DTNB: variants seen among roughly 807,000 people sequenced by gnomAD.
DTNB encodes the protein DTN-B.
A neutral mutation model predicts 90.7 loss-of-function variants in DTNB; 63 were observed. The ratio of observed to expected loss-of-function variants is 0.69; its 90% CI spans 0.57 to 0.86. DTNB has a LOEUF of 0.86. DTNB is among the 40% of genes least tolerant of loss of function. The pLI, the probability that DTNB is intolerant of heterozygous loss-of-function variation, is 0.00. For missense variants in DTNB, 744 were observed against 807.1 expected (o/e 0.92, Z 0.95); for synonymous variants, 277 against 286.7 (o/e 0.97, Z 0.34).
intron 6 of DTNB, among the ~76,000 whole-genome samples, 153 bp downstream of exon 6, chr2:25,595,933 G>A (rs1048483285): frequency 3.9e-5 from 4 of 102,080 alleles, no homozygotes; most frequent in Admixed American, 3.1e-4. Context: ...TTTACCCCCC[G>A]CTTTTATTCA....
chr2:25,647,396 C>T (rs2148898575), intron 2 of DTNB, among the ~76,000 whole-genome samples: 1 of 152,222 alleles, frequency 6.6e-6, no homozygotes, highest in South Asian at 2.1e-4. Context: ...ATGAAATATG[C>T]AAAAAGCTTG....
chr2:25,535,300 C>CG (rs1226165244), intron 8 of DTNB, among the ~76,000 whole-genome samples: 1 of 131,658 alleles, frequency 7.6e-6, no homozygotes, highest in East Asian at 2.4e-4. Context: ...ACTTCCCAGA[C>CG]GGGGGTGGCC....
intron 6 of DTNB, among the ~76,000 whole-genome samples, chr2:25,589,363 TTTTC>T (rs1424895862): frequency 8.2e-6 from 1 of 121,372 alleles, no homozygotes; most frequent in Non-Finnish European, 1.7e-5. Flanking sequence ...TTTCTTTTTC[TTTTC>T]TTTTTTTTTT....
At chr2:25,389,019 T>A (rs2040352753) in intron 16 of DTNB, among the ~76,000 whole-genome samples, 1 of 152,174 alleles carries the variant, frequency 6.6e-6, no homozygotes, top group South Asian at 2.1e-4. Context: ...GCTAATTTTT[T>A]GTATTTTTAG....
chr2:25,632,744 C>T (rs537924876), intron 3 of DTNB, among the ~76,000 whole-genome samples: 4 of 152,272 alleles, frequency 2.6e-5, no homozygotes, highest in African/African-American at 9.6e-5. Context: ...CGTATCTGTA[C>T]AAAATAAATT....
intron 8 of DTNB, among the ~76,000 whole-genome samples, chr2:25,546,424 TGG>T (rs1304279220): frequency 2.6e-5 from 4 of 152,258 alleles, no homozygotes; most frequent in African/African-American, 9.6e-5. Flanking sequence ...GCCTGGCTGC[TGG>T]ATATTTTTTG....
At chr2:25,389,232 G>A (rs2040406454) in intron 16 of DTNB, among the ~76,000 whole-genome samples, 4 of 152,232 alleles carry the variant, frequency 2.6e-5, no homozygotes, top group Admixed American at 2.6e-4. Context: ...GCCAGTGGGA[G>A]GCATGGGAAC....
At chr2:25,400,287 A>T (rs1331030298) in intron 16 of DTNB, among the ~76,000 whole-genome samples, 1 of 152,220 alleles carries the variant, frequency 6.6e-6, no homozygotes, top group Non-Finnish European at 1.5e-5. Flanking sequence ...CTTGATAGGC[A>T]CAGGCCAGAC....
intron 8 of DTNB, among the ~76,000 whole-genome samples, chr2:25,572,660 G>T (rs73922434): frequency 1.6e-3 from 218 of 139,044 alleles, no homozygotes; most frequent in East Asian, 5.6e-3. Flanking sequence ...GAGGTTTTTT[G>T]TTTTTTTTTT....
chr2:25,615,924 T>C (rs2070315484), intron 4 of DTNB, among the ~76,000 whole-genome samples: 2 of 152,328 alleles, frequency 1.3e-5, no homozygotes, highest in East Asian at 3.9e-4. Context: ...AAAAAGTCCC[T>C]TGTGCTATTT....
intron 15 of DTNB, among the ~76,000 whole-genome samples, chr2:25,427,180 AACACACACACACACACACACAC>A (rs3041256): frequency 7.2e-6 from 1 of 139,570 alleles, no homozygotes; most frequent in African/African-American, 2.7e-5. Flanking sequence ...TCCATCTCAA[AACACACACACACACACACACAC>A]ACACACACAC....
At chr2:25,443,359 T>A (rs575383332) in intron 12 of DTNB, among the ~76,000 whole-genome samples, 2 of 152,290 alleles carry the variant, frequency 1.3e-5, no homozygotes, top group East Asian at 1.9e-4. Flanking sequence ...CAGAGCTCCA[T>A]CATCTTAATG....
chr2:25,400,654 C>T (rs1247316385), intron 16 of DTNB, among the ~76,000 whole-genome samples: 3 of 152,194 alleles, frequency 2.0e-5, no homozygotes, highest in African/African-American at 7.2e-5. Flanking sequence ...CCTGGAGAAG[C>T]AAGGGAAGCT....
chr2:25,545,565 CCAATATGGAAGCCACTA>C (rs1045582875), intron 8 of DTNB, among the ~76,000 whole-genome samples: 9 of 152,170 alleles, frequency 5.9e-5, no homozygotes, highest in Non-Finnish European at 1.2e-4. Flanking sequence ...CCTGCATTAT[CCAATATGGAAGCCACTA>C]GCCCCGTGTG....
chr2:25,437,517 C>T (rs961629475), intron 12 of DTNB, among the ~76,000 whole-genome samples: 1 of 152,134 alleles, frequency 6.6e-6, no homozygotes, highest in Non-Finnish European at 1.5e-5. Context: ...TCACCTCGGC[C>T]TTCCCGAGTG....
chr2:25,534,212 G>A (rs1386169603), intron 8 of DTNB, among the ~76,000 whole-genome samples: 2 of 152,012 alleles, frequency 1.3e-5, no homozygotes, highest in African/African-American at 4.8e-5. Flanking sequence ...GACTCTTAAG[G>A]AGCATGCTGC....
intron 2 of DTNB, among the ~76,000 whole-genome samples, chr2:25,641,812 T>A (rs1415250491): frequency 1.3e-5 from 2 of 152,138 alleles, no homozygotes; most frequent in Non-Finnish European, 2.9e-5. Flanking sequence ...AGAAGCCAGA[T>A]CAACTTCAAA....
At chr2:25,518,481 C>G (rs2075550837) in intron 9 of DTNB, among the ~76,000 whole-genome samples, 1 of 152,060 alleles carries the variant, frequency 6.6e-6, no homozygotes, top group African/African-American at 2.4e-5. Context: ...TTCACATAAG[C>G]ATCCCTCTGT....
At chr2:25,467,630 T>C (rs1216559003) in intron 10 of DTNB, among the ~76,000 whole-genome samples, 2 of 152,252 alleles carry the variant, frequency 1.3e-5, no homozygotes, top group Non-Finnish European at 2.9e-5. Flanking sequence ...ATTACCTATG[T>C]TGAGTCCAGT....
Sources: gnomAD v4.1 joint callset for allele counts (sites outside exome capture counted in the v4.1 genomes callset) on GRCh38, gnomAD v4.1.1 for gene constraint, MANE v1.5 for transcripts, NCBI Gene and HGNC (gene_info 2026-07-23, HGNC 2026-07-21) for gene names.